Variants in EPHB3 observed in about 807,000 individuals in gnomAD.
EPHB3 encodes the protein ephrin type-B receptor 3.
In EPHB3, 33 loss-of-function variants were observed where a neutral mutation model predicts 100.2. The observed-to-expected ratio is 0.33, with a 90% CI of 0.25 to 0.44. The LOEUF is 0.44. Among genes scored for constraint, EPHB3 ranks in the 20% least tolerant of loss-of-function variants. The pLI, the probability that EPHB3 is intolerant of heterozygous loss-of-function variation, is 1.00. For synonymous variants in EPHB3, 526 were observed against 554.7 expected (o/e 0.95, Z 0.73); for missense variants, 1,045 against 1,378.3 (o/e 0.76, Z 3.83).
chr3:184,563,566 C>T lies in EPHB3; in HGVS notation c.118+1213C>T, dbSNP rs1417923465. Among the ~76,000 whole-genome samples the T allele has an allele frequency of 6.6e-6, 1 of 152,210 alleles. No individual in the cohort carries two copies. ...GTTCTAATGTTCTCCAGAGGAAAGA[C>T]CTCCTATGATCCCCCACCCTCCTCA... is the stretch of plus-strand genomic sequence containing the variant. On this transcript the variant is annotated intron_variant, in intron 1 of 15. Coordinates refer to ENST00000330394, the MANE Select transcript of EPHB3 (RefSeq NM_004443.4). The surrounding 1 kb of genome is among the most constrained non-coding windows in gnomAD (Gnocchi z 4.1).
rs773042728 is a variant in EPHB3, at chr3:184,576,028, C to T, written c.1012+43C>T. Reference sequence around the variant, plus strand: ...CTCTCTTTCCCTCTGCAGGCCTTCCCTCTGGGGGGCCAGCCTGGGAAGCCT... The same window carrying T: ...CTCTCTTTCCCTCTGCAGGCCTTCCTTCTGGGGGGCCAGCCTGGGAAGCCT... On this transcript the variant is annotated intron_variant, in intron 4 of 15. Coordinates refer to ENST00000330394, the MANE Select transcript of EPHB3 (RefSeq NM_004443.4). The T allele has an allele frequency of 3.2e-6, 5 of 1,555,428 alleles. No homozygotes were observed. In the African/African-American group the frequency reaches 5.5e-5, roughly 17 times the overall value.
Position 184,581,146 on chromosome 3 carries a change from A to G in EPHB3, c.2713A>G (p.Ile905Val), listed in dbSNP as rs893591288. 6.2e-7 allele frequency: 1 copy of G among 1,614,146 alleles called. No individual in the cohort carries two copies. The highest frequency in any genetic ancestry group is 1.7e-5 in the Admixed American group (1 of 60,032). ...LIRNAASLKV[I>V]ASAQSGMSQP... ...CCGCAATGCTGCCAGCCTCAAGGTC[A>G]TTGCCAGCGCTCAGTCTGGGTTAGT... The change falls in exon 14 of 16, where the codon ATT (isoleucine) becomes GTT (valine). Residue 905 changes from isoleucine to valine, a missense_variant. Physicochemically the swap from Ile to Val is conservative, Grantham distance 29. Coordinates refer to ENST00000330394, the MANE Select transcript of EPHB3 (RefSeq NM_004443.4).
chr3:184,581,020 T>G lies in EPHB3; in HGVS notation c.2587T>G (p.Cys863Gly). The change falls in exon 14 of 16, where the codon TGT (cysteine) becomes GGT (glycine). Residue 863 changes from cysteine (C) to glycine (G), a missense_variant. By Grantham distance (159) the Cys-to-Gly change is radical. Transcript: ENST00000330394. ...QDYRLPPPMD[C>G]PTALHQLMLD... ...TTACCGGCTGCCACCACCCATGGAC[T>G]GTCCCACAGCACTGCACCAGCTCAT... The G allele has an allele frequency of 1.2e-6, 2 of 1,614,160 alleles. No individual in the cohort carries two copies. The highest frequency in any genetic ancestry group is 2.2e-5 in the South Asian group (2 of 91,082).
chr3:184,581,379 T>C lies in EPHB3; in HGVS notation c.2859T>C (p.Ser953=), dbSNP rs1138510. 0.31 allele frequency: 492,122 copies of C among 1,596,398 alleles called. 79,660 individuals are homozygous for C. The highest frequency in any genetic ancestry group is 0.54 in the African/African-American group (40,185 of 74,606). The change falls in exon 15 of 16, where the codon TCT becomes TCC. Residue 953 remains serine (S), a synonymous_variant. Transcript: ENST00000330394. ...GCTTCGTCAGTGCGGGGTTTGCATCTTTTGACCTGGTGGCCCAGATGACGG... is the reference window on the plus strand; with the variant it reads ...GCTTCGTCAGTGCGGGGTTTGCATCCTTTGACCTGGTGGCCCAGATGACGG... ...KESFVSAGFA[S]FDLVAQMTAE...
In EPHB3 at chr3:184,581,180, C is replaced by T. The variant is rs77448116; in HGVS notation, c.2732+15C>T. 1.2e-3 allele frequency: 1,889 copies of T among 1,611,942 alleles called. 15 individuals are homozygous for T. In the African/African-American group the frequency reaches 0.022, roughly 18 times the overall value. ...GCTCAGTCTGGGTTAGTACCTCTGC[C>T]TCTGCTCCCGCCAAGCCAGTAGCCC... On this transcript the variant is annotated intron_variant, in intron 14 of 15. Transcript: ENST00000330394.
At chr3:184,564,602 A>T (rs1714338642) in intron 1 of EPHB3, among the ~76,000 whole-genome samples, 1 of 152,060 alleles carries the variant, frequency 6.6e-6, no homozygotes, top group Non-Finnish European at 1.5e-5. Context: ...GAGTGAAACG[A>T]GTGTGTGCCC....
Position 184,577,813 on chromosome 3 carries a change from G to C in EPHB3, c.1635G>C (p.Glu545Asp). 1 of 1,605,706 alleles carries C rather than the reference G, an allele frequency of 6.2e-7. No individual in the cohort carries two copies. Among genetic ancestry groups the C allele is most frequent in the Non-Finnish European group, 8.5e-7 (1 of 1,174,104 alleles). Residue 545 changes from glutamate to aspartate, a missense_variant, in exon 7 of 16, where the codon GAG becomes GAC. This residue lies in a region of EPHB3 where 985 missense variants were observed against 1,331.1 expected (regional missense o/e 0.74). Transcript: ENST00000330394. The surrounding 1 kb of genome is among the most constrained non-coding windows in gnomAD (Gnocchi z 4.9). ...CTGCCGAGTTTGAGACCACAAGTGA[G>C]AGAGGTTAGTAGCCCCCTGCGCCTG... ...SRPAEFETTS[E>D]RGSGAQQLQE...
At chr3:184,574,812 C>T (rs967895344) in intron 3 of EPHB3, among the ~76,000 whole-genome samples, 4 of 152,202 alleles carry the variant, frequency 2.6e-5, no homozygotes, top group Non-Finnish European at 5.9e-5. Context: ...CATGCTGGTT[C>T]CCATAGCAAC....
At position 184,577,047 on chromosome 3, in the gene EPHB3, G is replaced by T. The variant is rs773552328; in HGVS notation, c.1218G>T (p.Thr406=). Residue 406 remains threonine, a synonymous_variant, in exon 5 of 16, where the codon ACG becomes ACT. Transcript: ENST00000330394. The surrounding 1 kb of genome is among the most constrained non-coding windows in gnomAD (Gnocchi z 4.9). ...VEFVPRQLGL[T]ERRVHISHLL... ...TTGTGCCTCGGCAGCTGGGCCTGAC[G>T]GAGCGCCGGGTCCACATCAGCCATC... The T allele has an allele frequency of 6.2e-7, 1 of 1,613,666 alleles. No individual in the cohort carries two copies. Among genetic ancestry groups the T allele is most frequent in the East Asian group, 2.2e-5 (1 of 44,896 alleles).
rs1714792459 is a variant in EPHB3 at position 184,580,521 on chromosome 3, C to T, written c.2292C>T (p.Ile764=). ...ACCGCGACCTGGCTGCTCGCAACAT[C>T]CTTGTCAACAGCAACCTGGTCTGCA... ...YVHRDLAARN[I]LVNSNLVCKV... Residue 764 remains isoleucine (I), a synonymous_variant, in exon 12 of 16, where the codon ATC becomes ATT. Transcript: ENST00000330394. The T allele has an allele frequency of 6.2e-7, 1 of 1,614,220 alleles. No individual in the cohort carries two copies. The highest frequency in any genetic ancestry group is 8.5e-7 in the Non-Finnish European group (1 of 1,180,032).
In EPHB3 at chr3:184,577,044, G is replaced by T; in HGVS notation, c.1215G>T (p.Leu405=). The T allele has an allele frequency of 1.2e-6, 2 of 1,613,860 alleles. No individual in the cohort carries two copies. Among genetic ancestry groups the T allele is most frequent in the East Asian group, 2.2e-5 (1 of 44,888 alleles). Residue 405 remains leucine (L), a synonymous_variant, in exon 5 of 16, where the codon CTG becomes CTT. Transcript: ENST00000330394. This position sits in a 1 kb window ranked among gnomAD's most constrained non-coding sequence, Gnocchi z 4.9. ...AGTTTGTGCCTCGGCAGCTGGGCCT[G>T]ACGGAGCGCCGGGTCCACATCAGCC... ...NVEFVPRQLG[L]TERRVHISHL... is the part of the protein sequence containing the mutation.
At position 184,579,615 on chromosome 3, in the gene EPHB3, C is replaced by T; in HGVS notation, c.1924+16C>T. Reference sequence around the variant, plus strand: ...ATCGGAGCTGGTGAGTCTCCCGGGGCACAGTAGAGATGAGAAGCTGAGGCG... The same window carrying T: ...ATCGGAGCTGGTGAGTCTCCCGGGGTACAGTAGAGATGAGAAGCTGAGGCG... On this transcript the variant is annotated intron_variant, in intron 10 of 15. Coordinates refer to ENST00000330394, the MANE Select transcript of EPHB3 (RefSeq NM_004443.4). The surrounding 1 kb of genome is among the most constrained non-coding windows in gnomAD (Gnocchi z 5.2). The T allele has an allele frequency of 6.2e-7, 1 of 1,613,632 alleles. No homozygotes were observed. The highest frequency in any genetic ancestry group is 2.2e-5 in the East Asian group (1 of 44,828).
In EPHB3 at chr3:184,580,589, C is replaced by G; in HGVS notation, c.2360C>G (p.Pro787Arg). The change falls in exon 12 of 16, where the codon CCC becomes CGC. Residue 787 changes from proline (P) to arginine (R), a missense_variant. Pro to Arg is a moderately radical substitution (Grantham distance 103). Transcript: ENST00000330394. ...FGLSRFLEDD[P>R]SDPTYTSSLG... ...CTCTCCCGCTTCCTGGAGGATGACC[C>G]CTCCGATCCTACCTACACCAGTTCC... The G allele has an allele frequency of 6.2e-7, 1 of 1,614,192 alleles. No homozygotes were observed.
chr3:184,576,007 C>G, intron 4 of EPHB3, 22 bp downstream of exon 4: 1 of 1,589,150 alleles, frequency 6.3e-7, no homozygotes, highest in Non-Finnish European at 8.6e-7. Flanking sequence ...CGTGACCTCT[C>G]TTTCCCTCTG....
rs964716387 is a variant in EPHB3 at position 184,564,511 on chromosome 3, T to C, written c.118+2158T>C. ...TACTGAATTCTTAATGTGTGCAAAG[T>C]GCTTAGCATAGGCATTGTTATTCAA... On this transcript the variant is annotated intron_variant, in intron 1 of 15. Coordinates refer to ENST00000330394, the MANE Select transcript of EPHB3 (RefSeq NM_004443.4). 3.3e-5 allele frequency among the ~76,000 whole-genome samples: 5 copies of C among 152,344 alleles called. No homozygotes were observed. In the East Asian group the frequency reaches 9.6e-4, roughly 29 times the overall value.
intron 4 of EPHB3, 59 bp from the exon 5 acceptor site, chr3:184,576,783 G>A (rs1191218659): frequency 1.3e-6 from 2 of 1,482,516 alleles, no homozygotes; most frequent in Non-Finnish European, 1.8e-6. Flanking sequence ...GGAACTCCGG[G>A]CAGAGGGATG....
At position 184,562,387 on chromosome 3, in the gene EPHB3, G is replaced by T. The variant is rs1419629934; in HGVS notation, c.118+34G>T. On this transcript the variant is annotated intron_variant, in intron 1 of 15. Transcript: ENST00000330394. This position sits in a 1 kb window ranked among gnomAD's most constrained non-coding sequence, Gnocchi z 4.8. ...CGTCGGGGGGCGCGCCCGGGAACAA[G>T]GTGCCTGGGGTCGCGGGGCTGCGGG... 1 of 1,201,508 alleles carries T rather than the reference G, an allele frequency of 8.3e-7. No homozygotes were observed. Among genetic ancestry groups the T allele is most frequent in the East Asian group, 3.5e-5 (1 of 28,536 alleles). 74.4% of individuals were successfully genotyped at this position (1,201,508 alleles called of 1,614,324 possible). A position where few individuals can be genotyped will look rare whatever the true frequency, so the allele number is the denominator to read the frequency against.
In EPHB3 at chr3:184,582,250, G is replaced by C. The variant is rs1157163552; in HGVS notation, c.*628G>C. 7.7e-5 allele frequency: 3 copies of C among 38,888 alleles called. No individual in the cohort carries two copies. Among genetic ancestry groups the C allele is most frequent in the African/African-American group, 3.3e-4 (3 of 9,224 alleles). 2.4% of individuals were successfully genotyped at this position (38,888 alleles called of 1,614,324 possible). A position where few individuals can be genotyped will look rare whatever the true frequency, so the allele number is the denominator to read the frequency against. ...ACTCTCAGAGCCAGAGATGGGATGT[G>C]TGAGTGTGTGTGTGTGTGTGTGTGT... On this transcript the variant is annotated 3_prime_UTR_variant, in exon 16 of 16. Transcript: ENST00000330394.
chr3:184,579,457 C>G lies in EPHB3; in HGVS notation c.1802-20C>G. The G allele has an allele frequency of 6.2e-7, 1 of 1,610,970 alleles. No individual in the cohort carries two copies. Among genetic ancestry groups the G allele is most frequent in the Non-Finnish European group, 8.5e-7 (1 of 1,177,498 alleles). On this transcript the variant is annotated intron_variant, in intron 9 of 15. Coordinates refer to ENST00000330394, the MANE Select transcript of EPHB3 (RefSeq NM_004443.4). This position sits in a 1 kb window ranked among gnomAD's most constrained non-coding sequence, Gnocchi z 5.2. ...GCTGGCTTGACGTTACCCTCTCACG[C>G]CCACCTCTTCTCCCTCCAGTTGCTC...
Sources: allele counts gnomAD v4.1 joint callset (sites outside exome capture counted in the v4.1 genomes callset), GRCh38; gene constraint gnomAD v4.1.1; regional missense constraint gnomAD v4.1.1; non-coding constraint Gnocchi (gnomAD v3.1); transcripts MANE v1.5; gene names NCBI Gene and HGNC (gene_info 2026-07-23, HGNC 2026-07-21).